The following AXDND1 variants were observed in gnomAD, a reference collection of about 807,000 sequenced individuals.
AXDND1 encodes axonemal dynein light chain domain containing 1, also known as axonemal dynein light chain domain-containing protein 1.
Under a neutral mutation model 137.5 loss-of-function variants are expected in AXDND1, and 110 were observed. The ratio of observed to expected loss-of-function variants is 0.80; its 90% confidence interval spans 0.69 to 0.94. The LOEUF (loss-of-function observed/expected upper bound fraction) is 0.94, where lower values mean the gene tolerates loss of function less well. Among genes scored for constraint, AXDND1 ranks in the 40% least tolerant of loss-of-function variants. AXDND1 has a pLI of 0.00. For synonymous variants in AXDND1, 414 were observed against 399.7 expected, an observed-to-expected ratio of 1.04 and a Z score of -0.43; for missense variants, 1,191 against 1,169.8, an observed-to-expected ratio of 1.02 and a Z score of -0.26.
At chr1:179,429,246 G>A (rs986485422) in intron 12 of AXDND1, among the ~76,000 whole-genome samples, 1 of 151,950 alleles carries the variant, frequency 6.6e-6, no homozygotes, top group African/African-American at 2.4e-5. Flanking sequence ...ATAAATAAAA[G>A]CATTTGAGAG....
At chr1:179,366,295 C>T (rs1016214518) in intron 1 of AXDND1, 109 bp from the exon 2 acceptor site, 1 of 427,116 alleles carries the variant, frequency 2.3e-6, no homozygotes, top group Admixed American at 3.7e-5. Flanking sequence ...GAGGTCGCCC[C>T]GAAGAAGGAG....
At chr1:179,464,672 G>A (rs556883999) in intron 16 of AXDND1, among the ~76,000 whole-genome samples, 43 of 152,246 alleles carry the variant, frequency 2.8e-4, no homozygotes, top group African/African-American at 4.6e-4. Flanking sequence ...GCCTTGCTAG[G>A]TTGGGGAAGT....
intron 14 of AXDND1, among the ~76,000 whole-genome samples, chr1:179,431,249 C>G (rs10913754): frequency 1.3e-5 from 2 of 152,070 alleles, no homozygotes; most frequent in South Asian, 4.2e-4. Context: ...TCAAGCGATT[C>G]TCCCACCTCA....
intron 17 of AXDND1, among the ~76,000 whole-genome samples, chr1:179,480,401 C>A (rs1352640814): frequency 6.6e-6 from 1 of 152,130 alleles, no homozygotes; most frequent in Non-Finnish European, 1.5e-5. Context: ...TTATTCACTA[C>A]CACGAGAACA....
intron 25 of AXDND1, chr1:179,551,628 C>G (rs759753192): frequency 3.1e-4 from 206 of 671,626 alleles, no homozygotes; most frequent in Non-Finnish European, 4.3e-4. Flanking sequence ...ACAGATTAAA[C>G]TGTTAATCAC....
chr1:179,535,525 C>T (rs1342215131), intron 25 of AXDND1, among the ~76,000 whole-genome samples: 1 of 152,200 alleles, frequency 6.6e-6, no homozygotes, highest in Non-Finnish European at 1.5e-5. Context: ...TTTCCAGCTT[C>T]ATCCATGTCC....
At chr1:179,541,336 C>T (rs1476461084) in intron 25 of AXDND1, among the ~76,000 whole-genome samples, 1 of 152,216 alleles carries the variant, frequency 6.6e-6, no homozygotes, top group African/African-American at 2.4e-5. Context: ...ATGGCCTGCA[C>T]ACACTGTCCA....
chr1:179,445,974 G>C (rs761536225), intron 16 of AXDND1, among the ~76,000 whole-genome samples: 8 of 152,098 alleles, frequency 5.3e-5, no homozygotes, highest in Non-Finnish European at 7.4e-5. Context: ...AGTGTATGAA[G>C]GTTCCACTTT....
intron 16 of AXDND1, among the ~76,000 whole-genome samples, chr1:179,461,248 C>T (rs891599312): frequency 6.6e-6 from 1 of 152,084 alleles, no homozygotes; most frequent in African/African-American, 2.4e-5. Context: ...GGAAGGGATC[C>T]AGTTTCAGGT....
chr1:179,496,947 G>A (rs575781631), intron 20 of AXDND1, among the ~76,000 whole-genome samples: 10 of 151,818 alleles, frequency 6.6e-5, no homozygotes, highest in Non-Finnish European at 4.4e-5. Flanking sequence ...TGCATTCTTC[G>A]TTCATCCATG....
Position 179,373,931 on chromosome 1 carries a change from T to A in AXDND1, c.374+3853T>A, listed in dbSNP as rs184575452. Among the ~76,000 whole-genome samples, 423 of 152,226 alleles carry A rather than the reference T, an allele frequency of 2.8e-3. 3 individuals are homozygous for A. Among genetic ancestry groups the A allele is most frequent in the African/African-American group, 9.5e-3 (393 of 41,544 alleles). ...CATAGGCATGGGCAAGGACTTCATGTCTAAAACACCAAAAGCAATGGTAAC... is the reference window on the plus strand; with the variant it reads ...CATAGGCATGGGCAAGGACTTCATGACTAAAACACCAAAAGCAATGGTAAC... On this transcript the variant is annotated intron_variant, in intron 4 of 25. Coordinates refer to ENST00000367618, the MANE Select transcript of AXDND1 (RefSeq NM_144696.6).
In AXDND1 at chr1:179,484,621, A is replaced by G. The variant is rs571428580; in HGVS notation, c.2091+1400A>G. On this transcript the variant is annotated intron_variant, in intron 18 of 25. Transcript: ENST00000367618. The stretch of plus-strand genomic sequence containing the variant: ...CCAACTAATGAGCACCAGCCCGCCC[A>G]TGTACTCTACCCATCACAGCCTCCC... Among the ~76,000 whole-genome samples, 5 of 152,200 alleles carry G rather than the reference A, an allele frequency of 3.3e-5. No homozygotes were observed. The East Asian group carries it at 7.8e-4, about 24-fold the overall frequency.
chr1:179,461,476 AG>A (rs1571935129), intron 16 of AXDND1, among the ~76,000 whole-genome samples: 2 of 152,112 alleles, frequency 1.3e-5, no homozygotes, highest in East Asian at 3.8e-4. Flanking sequence ...GTTCGAAGTC[AG>A]GTAGCATGAT....
chr1:179,492,909 CA>C lies in AXDND1; in HGVS notation c.2351del (p.Asn784MetfsTer12), dbSNP rs1466318563. 6 of 1,611,432 alleles carry C rather than the reference CA, an allele frequency of 3.7e-6. No individual in the cohort carries two copies. In the South Asian group the frequency reaches 6.6e-5, roughly 18 times the overall value. ...MALSKSTNSH[K>X]NATEDLYEVD... is the part of the protein sequence containing the mutation. Reference sequence around the variant, plus strand: ...CTCTGAGTAAATCCACTAACTCACACAAAAATGCTACTGAAGACCTTTATGA... The same window carrying C: ...CTCTGAGTAAATCCACTAACTCACACAAAATGCTACTGAAGACCTTTATGA... On this transcript the variant is annotated frameshift_variant, in exon 20 of 26. Transcript: ENST00000367618. LOFTEE classifies it high-confidence loss of function.
chr1:179,442,826 C>T (rs552243331), intron 15 of AXDND1, among the ~76,000 whole-genome samples: 12 of 151,978 alleles, frequency 7.9e-5, no homozygotes, highest in Admixed American at 3.3e-4. Flanking sequence ...GTAACCCGCA[C>T]GAAACTAGGG....
intron 12 of AXDND1, among the ~76,000 whole-genome samples, chr1:179,422,707 C>T (rs1471349426): frequency 6.6e-6 from 1 of 152,086 alleles, no homozygotes; most frequent in Admixed American, 6.5e-5. Flanking sequence ...TCTTGTCTGT[C>T]CATTACTGAA....
intron 6 of AXDND1, among the ~76,000 whole-genome samples, chr1:179,382,484 A>C (rs1648539139): frequency 6.6e-6 from 1 of 152,160 alleles, no homozygotes; most frequent in African/African-American, 2.4e-5. Context: ...GATTATTTGA[A>C]CACTTATTTT....
At chr1:179,428,532 G>T (rs1007480111) in intron 12 of AXDND1, among the ~76,000 whole-genome samples, 4 of 152,260 alleles carry the variant, frequency 2.6e-5, no homozygotes, top group African/African-American at 9.6e-5. Flanking sequence ...GGGACCCCTT[G>T]TGGGGGGCAG....
intron 12 of AXDND1, among the ~76,000 whole-genome samples, chr1:179,428,858 G>A (rs1487526285): frequency 6.6e-6 from 1 of 152,170 alleles, no homozygotes; most frequent in Non-Finnish European, 1.5e-5. Context: ...TAATGTTTAA[G>A]TGATTAACAA....
Sources: gnomAD v4.1 joint callset for allele counts (sites outside exome capture counted in the v4.1 genomes callset) on GRCh38, gnomAD v4.1.1 for gene constraint, MANE v1.5 for transcripts, NCBI Gene and HGNC (gene_info 2026-07-23, HGNC 2026-07-21) for gene names.